FBXO4: variants seen among roughly 807,000 people sequenced by gnomAD.
FBXO4 encodes the protein F-box protein 4, also known as F-box only protein 4.
A neutral mutation model predicts 43.7 loss-of-function variants in FBXO4; 36 were observed. The observed-to-expected ratio is 0.82, with a 90% CI of 0.63 to 1.09. The LOEUF (loss-of-function observed/expected upper bound fraction) is 1.09. Ranked by LOEUF, FBXO4 falls within the 50% of genes least tolerant of loss-of-function variation. The probability of loss-of-function intolerance (pLI) is 0.00; values close to 1 mark genes in which losing one functional copy is unlikely to be tolerated. For synonymous variants in FBXO4, 180 were observed against 165.6 expected, an observed-to-expected ratio of 1.09 and a Z score of -0.67; for missense variants, 435 against 474.1, an observed-to-expected ratio of 0.92 and a Z score of 0.77.
the FBXO4 span, among the ~76,000 whole-genome samples, chr5:42,001,079 G>A: frequency 6.6e-6 from 1 of 151,920 alleles, no homozygotes; most frequent in Non-Finnish European, 1.5e-5. Context: ...TTTCCATATT[G>A]GTTTTAGGAT....
the FBXO4 span, among the ~76,000 whole-genome samples, chr5:41,999,539 ATATATG>A: frequency 4.3e-3 from 466 of 109,492 alleles, 3 homozygotes; most frequent in African/African-American, 0.02. Context: ...ATATATACAT[ATATATG>A]TATATATATA....
chr5:41,940,110 C>T (rs2662349), intron 6 of FBXO4, among the ~76,000 whole-genome samples: 1 of 151,768 alleles, frequency 6.6e-6, no homozygotes, highest in South Asian at 2.1e-4. Flanking sequence ...CTCGGCCTCC[C>T]AAAGTGCTGG....
chr5:41,945,279 T>C (rs1431590944), downstream of FBXO4, among the ~76,000 whole-genome samples: 1 of 152,210 alleles, frequency 6.6e-6, no homozygotes, highest in African/African-American at 2.4e-5. Flanking sequence ...TATATATCAT[T>C]AAGAACAGTG....
chr5:41,966,643 C>T, the FBXO4 span, among the ~76,000 whole-genome samples: 1 of 152,100 alleles, frequency 6.6e-6, no homozygotes, highest in Non-Finnish European at 1.5e-5. Flanking sequence ...TTAGACAGAC[C>T]TGGTTACCAA....
the FBXO4 span, among the ~76,000 whole-genome samples, chr5:41,984,727 T>G: frequency 6.6e-6 from 1 of 152,160 alleles, no homozygotes; most frequent in Non-Finnish European, 1.5e-5. Context: ...GCCAGGCTGG[T>G]CTCGAAATCC....
At chr5:41,996,534 G>A in the FBXO4 span, among the ~76,000 whole-genome samples, 2 of 152,126 alleles carry the variant, frequency 1.3e-5, no homozygotes, top group Middle Eastern at 3.2e-3. Flanking sequence ...GGGTCAGATG[G>A]CCCAAGTGCC....
chr5:41,953,173 A>T, the FBXO4 span, among the ~76,000 whole-genome samples: 1 of 149,878 alleles, frequency 6.7e-6, no homozygotes, highest in Non-Finnish European at 1.5e-5. Context: ...CAGTCCCCAG[A>T]GTGTGATATT....
chr5:41,941,104 T>TAA, intron 6 of FBXO4, 88 bp from the exon 7 acceptor site: 1 of 990,120 alleles, frequency 1.0e-6, no homozygotes, highest in Non-Finnish European at 1.5e-6. Flanking sequence ...TTCTGTTATC[T>TAA]TTTTAGTGTC....
chr5:42,039,252 C>A, the FBXO4 span, among the ~76,000 whole-genome samples: 1 of 152,008 alleles, frequency 6.6e-6, no homozygotes, highest in African/African-American at 2.4e-5. Context: ...TACATAAGTA[C>A]CTTTCATTTC....
chr5:41,941,948 G>T (rs1216080808), downstream of FBXO4, among the ~76,000 whole-genome samples: 1 of 152,044 alleles, frequency 6.6e-6, no homozygotes, highest in Non-Finnish European at 1.5e-5. Flanking sequence ...ACTTCCCAGA[G>T]ACTTGTATGT....
the FBXO4 span, among the ~76,000 whole-genome samples, chr5:42,033,414 A>T: frequency 6.6e-6 from 1 of 152,132 alleles, no homozygotes; most frequent in Non-Finnish European, 1.5e-5. Context: ...TCTGGGATAC[A>T]AGTGCAGAAC....
chr5:42,027,301 C>A, the FBXO4 span, among the ~76,000 whole-genome samples: 1 of 146,438 alleles, frequency 6.8e-6, no homozygotes, highest in African/African-American at 2.6e-5. Context: ...AGAATTTGTC[C>A]ATTTCTTCTA....
chr5:41,943,426 A>C (rs1430973311), downstream of FBXO4, among the ~76,000 whole-genome samples: 2 of 152,108 alleles, frequency 1.3e-5, no homozygotes, highest in African/African-American at 4.8e-5. Context: ...CAGTTTTCTC[A>C]TGTACAAAAT....
At chr5:41,985,988 A>T in the FBXO4 span, among the ~76,000 whole-genome samples, 1 of 152,176 alleles carries the variant, frequency 6.6e-6, no homozygotes, top group African/African-American at 2.4e-5. Context: ...TTCTATTTAA[A>T]ATTCCCGACT....
chr5:41,954,198 A>C, the FBXO4 span, among the ~76,000 whole-genome samples: 1 of 152,178 alleles, frequency 6.6e-6, no homozygotes, highest in South Asian at 2.1e-4. Flanking sequence ...AAATTTACCC[A>C]AATAGTCTTC....
intron 3 of FBXO4, 21 bp from the exon 4 acceptor site, chr5:41,933,925 A>G (rs948775010): frequency 1.3e-6 from 2 of 1,585,786 alleles, no homozygotes; most frequent in Admixed American, 1.7e-5. Flanking sequence ...TTGTTTTGGT[A>G]ACTGTGATTT....
the FBXO4 span, among the ~76,000 whole-genome samples, chr5:42,031,942 AC>A: frequency 2.6e-5 from 4 of 152,044 alleles, no homozygotes; most frequent in African/African-American, 9.7e-5. Flanking sequence ...TAGAGGTACC[AC>A]CTTGGAAAAG....
the FBXO4 span, among the ~76,000 whole-genome samples, chr5:41,975,794 G>A: frequency 6.6e-6 from 1 of 152,110 alleles, no homozygotes; most frequent in Admixed American, 6.5e-5. Context: ...ATTAAACTTA[G>A]TGTGTTAGGC....
At position 41,939,834 on chromosome 5, in the gene FBXO4, A is replaced by ATTTTT. The variant is rs60238550; in HGVS notation, c.1074+244_1074+248dup. On this transcript the variant is annotated intron_variant, in intron 6 of 6. Transcript: ENST00000281623. Reference sequence around the variant, plus strand: ...TCATACAGTGAGATAACAATTGGGGATTTTTTTTTTTTTTTTTTTTTTTTT... The same window carrying ATTTTT: ...TCATACAGTGAGATAACAATTGGGGATTTTTTTTTTTTTTTTTTTTTTTTTTTTTT... 5.3e-3 allele frequency among the ~76,000 whole-genome samples: 422 copies of ATTTTT among 79,372 alleles called. 1 individual carries two copies. Among genetic ancestry groups the ATTTTT allele is most frequent in the Non-Finnish European group, 6.6e-3 (276 of 42,026 alleles). 52.1% of individuals were successfully genotyped at this position (79,372 alleles called of 152,430 possible). A position where few individuals can be genotyped will look rare whatever the true frequency, so the allele number is the denominator to read the frequency against.
Sources: gnomAD v4.1 joint callset for allele counts (sites outside exome capture counted in the v4.1 genomes callset) on GRCh38, gnomAD v4.1.1 for gene constraint, MANE v1.5 for transcripts, NCBI Gene and HGNC (gene_info 2026-07-23, HGNC 2026-07-21) for gene names.